The following GRK3 variants were observed in gnomAD, a reference collection of about 807,000 sequenced individuals.
GRK3 encodes adrenergic, beta, receptor kinase 2.
A neutral mutation model predicts 95.7 loss-of-function variants in GRK3; 54 were observed. The ratio of observed to expected loss-of-function variants is 0.56; its 90% CI spans 0.45 to 0.71. GRK3 has a LOEUF of 0.71. GRK3 is among the 30% of genes least tolerant of loss of function. The probability of loss-of-function intolerance (pLI) is 0.00; values close to 1 mark genes in which losing one functional copy is unlikely to be tolerated. For missense variants in GRK3, 649 were observed against 851.2 expected (o/e 0.76, Z 2.96); for synonymous variants, 281 against 290.8 (o/e 0.97, Z 0.34).
chr22:25,567,645 GA>G (rs1931537974), intron 1 of GRK3, among the ~76,000 whole-genome samples: 1 of 152,206 alleles, frequency 6.6e-6, no homozygotes, highest in Non-Finnish European at 1.5e-5. Context: ...TGGTATTCTT[GA>G]AAGAGATGTT....
intron 5 of GRK3, among the ~76,000 whole-genome samples, 192 bp downstream of exon 5, chr22:25,663,896 C>T (rs951717914): frequency 1.1e-4 from 17 of 152,216 alleles, no homozygotes; most frequent in African/African-American, 3.9e-4. Context: ...CTTCTACCAA[C>T]GTGCTTCCTA....
chr22:25,588,984 A>G (rs1247885327), intron 1 of GRK3, among the ~76,000 whole-genome samples: 1 of 152,042 alleles, frequency 6.6e-6, no homozygotes, highest in Non-Finnish European at 1.5e-5. Context: ...TTGCCCAGGC[A>G]GTTCTCGAAC....
At chr22:25,579,406 A>G (rs530774643) in intron 1 of GRK3, among the ~76,000 whole-genome samples, 1 of 152,060 alleles carries the variant, frequency 6.6e-6, no homozygotes, top group East Asian at 1.9e-4. Flanking sequence ...TCAGCCTCTC[A>G]AAAAGTTGGG....
chr22:25,638,442 C>T (rs2084719381), intron 2 of GRK3, among the ~76,000 whole-genome samples: 1 of 152,216 alleles, frequency 6.6e-6, no homozygotes, highest in Non-Finnish European at 1.5e-5. Context: ...TAACTGGTCA[C>T]ATGGTTGTAG....
Position 25,678,823 on chromosome 22 carries a change from A to G in GRK3, c.655A>G (p.Met219Val). The G allele has an allele frequency of 8.2e-6, 13 of 1,581,276 alleles. No individual in the cohort carries two copies. Among genetic ancestry groups the G allele is most frequent in the Non-Finnish European group, 1.1e-5 (13 of 1,157,020 alleles). ...RKADTGKMYA[M>V]KCLDKKRIKM... ...ATAAATTTATGTTTCTAGGTATGCA[A>G]TGAAATGCTTAGATAAGAAGAGGAT... Residue 219 changes from methionine to valine, a missense_variant, in exon 9 of 21, where the codon ATG (methionine) becomes GTG (valine). Coordinates refer to ENST00000324198, the MANE Select transcript of GRK3 (RefSeq NM_005160.4).
At position 25,647,533 on chromosome 22, in the gene GRK3, C is replaced by T. The variant is rs190128883; in HGVS notation, c.264+2868C>T. On this transcript the variant is annotated intron_variant, in intron 3 of 20. Transcript: ENST00000324198. Reference sequence around the variant, plus strand: ...AAGTTCATATCCTGCTGGCTTAACACGTGGTGTTACTATATTTGTGGCCTT... The same window carrying T: ...AAGTTCATATCCTGCTGGCTTAACATGTGGTGTTACTATATTTGTGGCCTT... The T allele has an allele frequency of 1.1e-4, 171 of 1,534,662 alleles. No individual in the cohort carries two copies. The East Asian group carries it at 3.3e-3, about 30-fold the overall frequency.
chr22:25,626,819 C>A (rs2146364043), intron 2 of GRK3, among the ~76,000 whole-genome samples: 1 of 152,296 alleles, frequency 6.6e-6, no homozygotes, highest in South Asian at 2.1e-4. Flanking sequence ...ATCGTCTGCC[C>A]CCAGTGGGTT....
chr22:25,589,833 A>G (rs2146326573), intron 1 of GRK3, among the ~76,000 whole-genome samples: 1 of 152,320 alleles, frequency 6.6e-6, no homozygotes, highest in Admixed American at 6.5e-5. Flanking sequence ...CCTCACAATC[A>G]TGGTGGAAGG....
At chr22:25,676,761 A>G (rs2085033104) in intron 8 of GRK3, among the ~76,000 whole-genome samples, 1 of 152,178 alleles carries the variant, frequency 6.6e-6, no homozygotes, top group Non-Finnish European at 1.5e-5. Flanking sequence ...AACTCTCAAA[A>G]ATAGCCAGTG....
intron 2 of GRK3, among the ~76,000 whole-genome samples, chr22:25,619,205 T>A (rs758525653): frequency 2.8e-4 from 42 of 152,144 alleles, no homozygotes; most frequent in Non-Finnish European, 5.1e-4. Flanking sequence ...ACAGCACAGG[T>A]AAGTCTAAGA....
chr22:25,685,220 A>G lies in GRK3; in HGVS notation c.798A>G (p.Lys266=), dbSNP rs753166120. ...CCTATGCCTTCCATACCCCAGATAA[A>G]CTCTGCTTCATCCTGGATCTGATGA... ...CMTYAFHTPD[K]LCFILDLMNG... is the part of the protein sequence containing the mutation. The change falls in exon 10 of 21, where the codon AAA becomes AAG. Residue 266 remains lysine, a synonymous_variant. Coordinates refer to ENST00000324198, the MANE Select transcript of GRK3 (RefSeq NM_005160.4). The G allele has an allele frequency of 3.5e-5, 56 of 1,613,370 alleles. No homozygotes were observed. The East Asian group carries it at 1.2e-3, about 35-fold the overall frequency.
chr22:25,668,746 G>A lies in GRK3; in HGVS notation c.503+946G>A, dbSNP rs2084959137. 1.3e-5 allele frequency among the ~76,000 whole-genome samples: 2 copies of A among 152,200 alleles called. 1 individual carries two copies. Among genetic ancestry groups the A allele is most frequent in the South Asian group, 4.1e-4 (2 of 4,824 alleles). On this transcript the variant is annotated intron_variant, in intron 6 of 20. Coordinates refer to ENST00000324198, the MANE Select transcript of GRK3 (RefSeq NM_005160.4). ...CAAGTCCTGGGCCATCTCCATGGCT[G>A]TTGGTCCTAAAATCTGACCTTTCCC...
intron 3 of GRK3, among the ~76,000 whole-genome samples, chr22:25,649,770 A>G (rs1367270657): frequency 6.6e-6 from 1 of 152,198 alleles, no homozygotes; most frequent in Non-Finnish European, 1.5e-5. Context: ...TTGCATGGAC[A>G]TGGGCCAGGT....
chr22:25,682,407 G>T (rs1299986369), intron 9 of GRK3, among the ~76,000 whole-genome samples: 1 of 152,158 alleles, frequency 6.6e-6, no homozygotes, highest in Non-Finnish European at 1.5e-5. Flanking sequence ...CTCTATCTTT[G>T]AGTGTTTGCT....
intron 5 of GRK3, 49 bp from the exon 6 acceptor site, chr22:25,667,690 G>T: frequency 7.4e-7 from 1 of 1,352,994 alleles, no homozygotes; most frequent in Admixed American, 1.8e-5. Context: ...GTGTTTTTTT[G>T]ATACATTCCG....
At chr22:25,708,818 T>C (rs982494204) in intron 15 of GRK3, among the ~76,000 whole-genome samples, 2 of 151,228 alleles carry the variant, frequency 1.3e-5, no homozygotes, top group Admixed American at 6.6e-5. Flanking sequence ...CCTGCCACCA[T>C]GCCCAGCTAA....
chr22:25,659,044 G>A (rs1456618792), intron 3 of GRK3, among the ~76,000 whole-genome samples: 1 of 152,138 alleles, frequency 6.6e-6, no homozygotes, highest in Non-Finnish European at 1.5e-5. Context: ...GAATATAATT[G>A]ATATTTGAAA....
At chr22:25,638,842 T>C (rs1045541008) in intron 2 of GRK3, among the ~76,000 whole-genome samples, 21 of 152,210 alleles carry the variant, frequency 1.4e-4, no homozygotes, top group African/African-American at 4.8e-4. Context: ...CTTGTATCCC[T>C]GCTGGCAGTT....
At chr22:25,663,807 TAA>T in intron 5 of GRK3, 103 bp downstream of exon 5, 1 of 772,672 alleles carries the variant, frequency 1.3e-6, no homozygotes, top group East Asian at 2.7e-5. Flanking sequence ...ACTTGCTTTG[TAA>T]AGACTGTGTT....
Sources: gnomAD v4.1 joint callset for allele counts (sites outside exome capture counted in the v4.1 genomes callset) on GRCh38, gnomAD v4.1.1 for gene constraint, MANE v1.5 for transcripts, NCBI Gene and HGNC (gene_info 2026-07-23, HGNC 2026-07-21) for gene names.